The following ADGRL3 variants were observed in gnomAD, a reference collection of about 807,000 sequenced individuals.
The protein encoded by ADGRL3 is adhesion G protein-coupled receptor L3, also known as calcium-independent alpha-latrotoxin receptor 3.
A neutral mutation model predicts 153.5 loss-of-function variants in ADGRL3; 62 were observed. The ratio of observed to expected loss-of-function variants is 0.40; its 90% CI spans 0.33 to 0.50. The LOEUF is 0.50. ADGRL3 is among the 20% of genes least tolerant of loss of function. ADGRL3 has a pLI of 0.47. For missense variants in ADGRL3, 1,641 were observed against 1,859.4 expected, an observed-to-expected ratio of 0.88 and a Z score of 2.16; for synonymous variants, 710 against 672.5, an observed-to-expected ratio of 1.06 and a Z score of -0.86.
intron 9 of ADGRL3, among the ~76,000 whole-genome samples, chr4:61,833,432 A>C (rs1168894421): frequency 1.3e-5 from 2 of 152,164 alleles, no homozygotes; most frequent in African/African-American, 4.8e-5. Context: ...CTCCCCGAGC[A>C]TTCAGGGATC....
chr4:61,868,568 C>T (rs1033455257), intron 9 of ADGRL3, among the ~76,000 whole-genome samples: 26 of 152,306 alleles, frequency 1.7e-4, no homozygotes, highest in Admixed American at 8.5e-4. Context: ...ACCACTGTCA[C>T]TGTGACCCTA....
rs187036122 is a variant in ADGRL3, at chr4:61,409,269, A to G, written c.-174+26080A>G. On this transcript the variant is annotated intron_variant, in intron 2 of 26. Transcript: ENST00000683033. ...ACATAATATATATTATATATTAGACATACATAATATATATTATATATATTA... is the reference window on the plus strand; with the variant it reads ...ACATAATATATATTATATATTAGACGTACATAATATATATTATATATATTA... Among the ~76,000 whole-genome samples, 773 of 143,754 alleles carry G rather than the reference A, an allele frequency of 5.4e-3. 25 individuals are homozygous for G. In the East Asian group the frequency reaches 0.083, roughly 16 times the overall value. The allele number at this position is 143,754 out of a possible 152,430, so 94.3% of individuals were successfully genotyped here. A position where few individuals can be genotyped will look rare whatever the true frequency, so the allele number is the denominator to read the frequency against.
chr4:61,210,336 G>A lies in ADGRL3; in HGVS notation c.-240+8571G>A, dbSNP rs151267960. Among the ~76,000 whole-genome samples the A allele has an allele frequency of 3.9e-5, 6 of 152,138 alleles. No homozygotes were observed. The East Asian group carries it at 5.8e-4, about 15-fold the overall frequency. ...TTGATCAGCTTGTGTTGGTGTTTACGCATCCCGCAGAGGCAGAGTGTGTTA... is the reference window on the plus strand; with the variant it reads ...TTGATCAGCTTGTGTTGGTGTTTACACATCCCGCAGAGGCAGAGTGTGTTA... On this transcript the variant is annotated intron_variant, in intron 1 of 26. Coordinates refer to ENST00000683033, the MANE Select transcript of ADGRL3 (RefSeq NM_001387552.1).
intron 1 of ADGRL3, among the ~76,000 whole-genome samples, chr4:61,362,414 G>T (rs2096300746): frequency 2.0e-5 from 3 of 151,354 alleles, no homozygotes; most frequent in Admixed American, 2.0e-4. Flanking sequence ...CCCTCCACCT[G>T]TCCCCCAACC....
At chr4:61,554,676 C>T (rs1560832180) in intron 4 of ADGRL3, among the ~76,000 whole-genome samples, 1 of 152,230 alleles carries the variant, frequency 6.6e-6, no homozygotes, top group East Asian at 1.9e-4. Context: ...TTACAACATT[C>T]CTATACTTTA....
rs867551850 is a variant in ADGRL3, at chr4:61,251,888, A to C, written c.-240+50123A>C. On this transcript the variant is annotated intron_variant, in intron 1 of 26. Transcript: ENST00000683033. ...GATTCTTTTTTTTTTTAATTTTTTT[A>C]TTTTTTTTTTTAGAGATGGAGTTTC... 5.3e-5 allele frequency among the ~76,000 whole-genome samples: 5 copies of C among 93,614 alleles called. No individual in the cohort carries two copies. In the East Asian group the frequency reaches 9.1e-4, roughly 17 times the overall value. 61.4% of individuals were successfully genotyped at this position (93,614 alleles called of 152,430 possible).
At chr4:61,300,556 G>A (rs1166302581) in intron 1 of ADGRL3, among the ~76,000 whole-genome samples, 2 of 151,992 alleles carry the variant, frequency 1.3e-5, no homozygotes, top group Admixed American at 6.6e-5. Flanking sequence ...CACCTATTAA[G>A]GAAAAGAAAT....
intron 6 of ADGRL3, among the ~76,000 whole-genome samples, chr4:61,717,071 G>T (rs1299222241): frequency 6.6e-6 from 1 of 152,058 alleles, no homozygotes; most frequent in East Asian, 1.9e-4. Flanking sequence ...AGATGTAATT[G>T]TTTGTGGTTA....
intron 2 of ADGRL3, among the ~76,000 whole-genome samples, chr4:61,467,327 G>A (rs561597224): frequency 1.1e-4 from 16 of 152,112 alleles, no homozygotes; most frequent in Admixed American, 5.9e-4. Flanking sequence ...TGACATTCAC[G>A]TTCTATTCTT....
intron 17 of ADGRL3, among the ~76,000 whole-genome samples, chr4:61,966,633 C>T: frequency 6.7e-6 from 1 of 148,978 alleles, no homozygotes; most frequent in African/African-American, 2.5e-5. Flanking sequence ...AGAAGTTATC[C>T]ATTTTATCAG....
chr4:61,750,652 T>A (rs967282348), intron 8 of ADGRL3, among the ~76,000 whole-genome samples: 1 of 151,026 alleles, frequency 6.6e-6, no homozygotes, highest in African/African-American at 2.4e-5. Context: ...TAGCCGGGCG[T>A]AGTGGCGGGC....
intron 8 of ADGRL3, among the ~76,000 whole-genome samples, chr4:61,742,348 G>A (rs774105967): frequency 1.5e-4 from 23 of 151,854 alleles, no homozygotes; most frequent in African/African-American, 2.2e-4. Context: ...GAGCGATCTC[G>A]GCTCACTGCA....
intron 3 of ADGRL3, among the ~76,000 whole-genome samples, chr4:61,506,207 A>T (rs1353679804): frequency 1.3e-5 from 2 of 152,102 alleles, no homozygotes; most frequent in African/African-American, 4.8e-5. Context: ...TAAATAAAAT[A>T]ATGTATAAAA....
At chr4:61,854,574 T>C (rs1486231743) in intron 9 of ADGRL3, among the ~76,000 whole-genome samples, 1 of 152,174 alleles carries the variant, frequency 6.6e-6, no homozygotes, top group Non-Finnish European at 1.5e-5. Context: ...GGTGAGTAAA[T>C]ACGTGAAGGA....
intron 4 of ADGRL3, among the ~76,000 whole-genome samples, chr4:61,553,826 C>T (rs1161697799): frequency 6.6e-6 from 1 of 152,102 alleles, no homozygotes; most frequent in Non-Finnish European, 1.5e-5. Context: ...CTACAATTCA[C>T]ATCTTTGGGT....
intron 1 of ADGRL3, among the ~76,000 whole-genome samples, chr4:61,263,626 TGTGCTGCTAGTC>T (rs1468280475): frequency 6.6e-6 from 1 of 152,068 alleles, no homozygotes; most frequent in African/African-American, 2.4e-5. Context: ...TGATATGTGA[TGTGCTGCTAGTC>T]GTTTAATGAG....
At chr4:61,919,748 G>A (rs2098760051) in intron 13 of ADGRL3, among the ~76,000 whole-genome samples, 2 of 152,140 alleles carry the variant, frequency 1.3e-5, no homozygotes, top group South Asian at 4.1e-4. Flanking sequence ...TGGAGATTCT[G>A]CATTGACGTG....
intron 2 of ADGRL3, among the ~76,000 whole-genome samples, chr4:61,487,450 G>C (rs1437525489): frequency 6.6e-6 from 1 of 152,036 alleles, no homozygotes; most frequent in Non-Finnish European, 1.5e-5. Flanking sequence ...CTTAATAAAT[G>C]TTAGTAGTTA....
chr4:61,710,341 C>T (rs879336980), intron 6 of ADGRL3, among the ~76,000 whole-genome samples: 3 of 152,166 alleles, frequency 2.0e-5, no homozygotes, highest in Non-Finnish European at 2.9e-5. Flanking sequence ...CAATCTAGAA[C>T]TTTAAAATAT....
Sources: allele counts gnomAD v4.1 joint callset (sites outside exome capture counted in the v4.1 genomes callset), GRCh38; gene constraint gnomAD v4.1.1; transcripts MANE v1.5; gene names NCBI Gene and HGNC (gene_info 2026-07-23, HGNC 2026-07-21).